Variants in ZC3H14 observed in about 807,000 individuals in gnomAD.
The protein encoded by ZC3H14 is zinc finger CCCH-type containing 14, also known as zinc finger CCCH domain-containing protein 14.
In ZC3H14, 31 loss-of-function variants were observed where a neutral mutation model predicts 92.4. The observed-to-expected ratio is 0.34, with a 90% CI of 0.25 to 0.45. The LOEUF (loss-of-function observed/expected upper bound fraction) is 0.45. Among genes scored for constraint, ZC3H14 ranks in the 20% least tolerant of loss-of-function variants. The pLI, the probability that ZC3H14 is intolerant of heterozygous loss-of-function variation, is 1.00. For missense variants in ZC3H14, 781 were observed against 897.3 expected, an observed-to-expected ratio of 0.87 and a Z score of 1.66; for synonymous variants, 321 against 300.9, an observed-to-expected ratio of 1.07 and a Z score of -0.69.
rs575632171 is a variant in ZC3H14 at position 88,622,391 on chromosome 14, A to G, written c.*10640A>G. The G allele has an allele frequency of 4.3e-4, 173 of 399,448 alleles. No individual in the cohort carries two copies. The East Asian group carries it at 6.3e-3, about 14-fold the overall frequency. 24.7% of individuals were successfully genotyped at this position (399,448 alleles called of 1,614,324 possible). A position where few individuals can be genotyped will look rare whatever the true frequency, so the allele number is the denominator to read the frequency against. ...ATTCTAGAAAATATTGGAGGTTTACATACAGTATTTAGACAGAATAGCTTC... is the reference window on the plus strand; with the variant it reads ...ATTCTAGAAAATATTGGAGGTTTACGTACAGTATTTAGACAGAATAGCTTC... On this transcript the variant is annotated 3_prime_UTR_variant, in exon 17 of 17. Transcript: ENST00000251038.
At position 88,612,774 on chromosome 14, in the gene ZC3H14, A is replaced by ATTAC. The variant is rs1266228384; in HGVS notation, c.*1028_*1031dup. 2.6e-5 allele frequency: 4 copies of ATTAC among 152,602 alleles called. No homozygotes were observed. The South Asian group carries it at 8.3e-4, about 32-fold the overall frequency. 9.5% of individuals were successfully genotyped at this position (152,602 alleles called of 1,614,324 possible). ...TAGGATGAAACTTTTGGCCTACTGT[A>ATTAC]TTACTTACAGAGTTTTTTTGTGTGT... On this transcript the variant is annotated 3_prime_UTR_variant, in exon 17 of 17. Transcript: ENST00000251038.
chr14:88,618,353 GGACAAGAATTCCATTAGGTGAGA>G lies in ZC3H14; in HGVS notation c.*6608_*6630del. 4 of 1,602,022 alleles carry G rather than the reference GGACAAGAATTCCATTAGGTGAGA, an allele frequency of 2.5e-6. No individual in the cohort carries two copies. Among genetic ancestry groups the G allele is most frequent in the Non-Finnish European group, 3.4e-6 (4 of 1,170,586 alleles). Reference sequence around the variant, plus strand: ...AGACCTTTTTCATCAGATTAAAATGGGACAAGAATTCCATTAGGTGAGAGACAAAATCCACAGGGGGTTTACAG... The same window carrying G: ...AGACCTTTTTCATCAGATTAAAATGGGACAAAATCCACAGGGGGTTTACAG... On this transcript the variant is annotated 3_prime_UTR_variant, in exon 17 of 17. Transcript: ENST00000251038.
intron 2 of ZC3H14, among the ~76,000 whole-genome samples, chr14:88,566,772 T>A (rs1279265603): frequency 6.6e-6 from 1 of 151,890 alleles, no homozygotes; most frequent in East Asian, 1.9e-4. Context: ...ATACAAACAT[T>A]AGCTGGGTGT....
intron 1 of ZC3H14, 181 bp from the exon 2 acceptor site, chr14:88,563,470 G>A: frequency 6.8e-7 from 1 of 1,466,630 alleles, no homozygotes; most frequent in South Asian, 1.4e-5. Context: ...GCGCCGCGGG[G>A]CTGGGGCTGG....
intron 9 of ZC3H14, chr14:88,592,089 G>GTT (rs1595699941): frequency 3.9e-5 from 6 of 152,170 alleles, no homozygotes; most frequent in Admixed American, 3.9e-4. Context: ...CTATTCTAAA[G>GTT]TTGGGCTGGA....
intron 12 of ZC3H14, among the ~76,000 whole-genome samples, chr14:88,606,935 G>A (rs1046217040): frequency 4.0e-5 from 6 of 151,846 alleles, no homozygotes; most frequent in South Asian, 2.1e-4. Context: ...CCCACTTGAC[G>A]TCCTTCTCTA....
In ZC3H14 at chr14:88,620,934, TA is replaced by T. The variant is rs35953031; in HGVS notation, c.*9200del. The stretch of plus-strand genomic sequence containing the variant: ...CACTTTGTTTAACATCTTCTGCATT[TA>T]AAAAAAAAAAAAAAAAGAGTCATAG... On this transcript the variant is annotated 3_prime_UTR_variant, in exon 17 of 17. Coordinates refer to ENST00000251038, the MANE Select transcript of ZC3H14 (RefSeq NM_024824.5). The surrounding 1 kb of genome is among the most constrained non-coding windows in gnomAD (Gnocchi z 4.3). 0.15 allele frequency: 189,162 copies of T among 1,287,588 alleles called. 4 individuals are homozygous for T. The highest frequency in any genetic ancestry group is 0.2 in the South Asian group (12,015 of 59,518). The allele number at this position is 1,287,588 out of a possible 1,614,324, so 79.8% of individuals were successfully genotyped here.
chr14:88,592,602 G>C (rs1309071078), intron 9 of ZC3H14, among the ~76,000 whole-genome samples: 1 of 148,342 alleles, frequency 6.7e-6, no homozygotes, highest in Non-Finnish European at 1.5e-5. Context: ...CCAGGTTCAG[G>C]TGATTCTCAT....
At position 88,603,194 on chromosome 14, in the gene ZC3H14, C is replaced by G. The variant is rs150422045; in HGVS notation, c.1747+134C>G. The G allele has an allele frequency of 7.6e-3, 6,514 of 859,430 alleles. 36 individuals are homozygous for G. Among genetic ancestry groups the G allele is most frequent in the Non-Finnish European group, 0.01 (5,437 of 530,192 alleles). 53.2% of individuals were successfully genotyped at this position (859,430 alleles called of 1,614,324 possible). On this transcript the variant is annotated intron_variant, in intron 12 of 16. Transcript: ENST00000251038. ...TCAGTAATGGCCTTTTTTCTTCTTT[C>G]AGACAAACCCACCAAGTACATTTCA...
chr14:88,609,434 G>C, intron 14 of ZC3H14, 31 bp downstream of exon 14: 1 of 1,613,550 alleles, frequency 6.2e-7, no homozygotes, highest in Non-Finnish European at 8.5e-7. Flanking sequence ...CTACATTTGG[G>C]TAAAAAATAT....
At position 88,625,239 on chromosome 14, in the gene ZC3H14, T is replaced by C; in HGVS notation, c.*13488T>C. ...TGTCTCACCCTTGATACAAAGAGCA[T>C]GCATCGTGTAGTGGCAGCAGCACTG... is the stretch of plus-strand genomic sequence containing the variant. On this transcript the variant is annotated 3_prime_UTR_variant, in exon 17 of 17. Transcript: ENST00000251038. 2 of 1,282,526 alleles carry C rather than the reference T, an allele frequency of 1.6e-6. No homozygotes were observed. Among genetic ancestry groups the C allele is most frequent in the African/African-American group, 1.5e-5 (1 of 67,040 alleles). The allele number at this position is 1,282,526 out of a possible 1,614,324, so 79.4% of individuals were successfully genotyped here.
In ZC3H14 at chr14:88,589,706, C is replaced by T. The variant is rs551312593; in HGVS notation, c.1280-7028C>T. ...AATCCTGTTGCCATTCTTTTTTTCT[C>T]TCCTTCTCCTTTCCTTCCTCTTCCC... On this transcript the variant is annotated intron_variant, in intron 9 of 16. Coordinates refer to ENST00000251038, the MANE Select transcript of ZC3H14 (RefSeq NM_024824.5). The T allele has an allele frequency of 3.9e-5, 6 of 152,178 alleles. No homozygotes were observed. In the South Asian group the frequency reaches 1.2e-3, roughly 32 times the overall value. 9.4% of individuals were successfully genotyped at this position (152,178 alleles called of 1,614,324 possible). A position where few individuals can be genotyped will look rare whatever the true frequency, so the allele number is the denominator to read the frequency against.
chr14:88,575,774 A>G (rs1048966943), intron 7 of ZC3H14, 66 bp from the exon 8 acceptor site: 4 of 1,355,292 alleles, frequency 3.0e-6, no homozygotes, highest in Non-Finnish European at 4.2e-6. Context: ...AAGGCATAAT[A>G]GATGGCTGGC....
In ZC3H14 at chr14:88,625,054, A is replaced by G; in HGVS notation, c.*13303A>G. ...CACAGGCCCGTTGTGAGCTCTCGCC[A>G]CGATTCTACACAATATGTGATCTTT... is the stretch of plus-strand genomic sequence containing the variant. On this transcript the variant is annotated 3_prime_UTR_variant, in exon 17 of 17. Coordinates refer to ENST00000251038, the MANE Select transcript of ZC3H14 (RefSeq NM_024824.5). 2 of 1,613,674 alleles carry G rather than the reference A, an allele frequency of 1.2e-6. No homozygotes were observed. Among genetic ancestry groups the G allele is most frequent in the Non-Finnish European group, 1.7e-6 (2 of 1,179,780 alleles).
At position 88,574,577 on chromosome 14, in the gene ZC3H14, C is replaced by A. The variant is rs1332613355; in HGVS notation, c.862-116C>A. The A allele has an allele frequency of 3.9e-6, 5 of 1,293,650 alleles. No individual in the cohort carries two copies. The African/African-American group carries it at 4.4e-5, about 11-fold the overall frequency. The allele number at this position is 1,293,650 out of a possible 1,614,324, so 80.1% of individuals were successfully genotyped here. On this transcript the variant is annotated intron_variant, in intron 6 of 16. Transcript: ENST00000251038. ...TATTTTTACATAAAACCAAGAAATA[C>A]TCTGTGAATTTCTCATATTACTGTG...
rs1246220497 is a variant in ZC3H14 at position 88,616,207 on chromosome 14, A to T, written c.*4456A>T. 3 of 1,613,800 alleles carry T rather than the reference A, an allele frequency of 1.9e-6. No homozygotes were observed. Among genetic ancestry groups the T allele is most frequent in the East Asian group, 4.5e-5 (2 of 44,888 alleles). On this transcript the variant is annotated 3_prime_UTR_variant, in exon 17 of 17. Coordinates refer to ENST00000251038, the MANE Select transcript of ZC3H14 (RefSeq NM_024824.5). Reference sequence around the variant, plus strand: ...CACTGGTAAATCGAATATTTGTCACATGGGGCGAATGACCCAAGAACCTTT... The same window carrying T: ...CACTGGTAAATCGAATATTTGTCACTTGGGGCGAATGACCCAAGAACCTTT...
intron 6 of ZC3H14, 144 bp downstream of exon 6, chr14:88,573,151 C>A: frequency 3.3e-6 from 3 of 896,000 alleles, no homozygotes; most frequent in South Asian, 2.9e-5. Context: ...GAGGCCGAGG[C>A]GGGTGGATCA....
chr14:88,596,764 T>G lies in ZC3H14; in HGVS notation c.1310T>G (p.Leu437Arg). 6.2e-7 allele frequency: 1 copy of G among 1,614,098 alleles called. No individual in the cohort carries two copies. The highest frequency in any genetic ancestry group is 2.2e-5 in the East Asian group (1 of 44,864). Residue 437 changes from leucine to arginine, a missense_variant, in exon 10 of 17, where the codon CTG becomes CGG. Leu to Arg is a moderately radical substitution (Grantham distance 102). This residue lies in a region of ZC3H14 where 454 missense variants were observed against 438.5 expected (regional missense o/e 1.04). Transcript: ENST00000251038. Reference sequence around the variant, plus strand: ...CAACAGAGGCAATTATTATCCCGACTGCAAATCGACCCAGTAATGGCAGAA... The same window carrying G: ...CAACAGAGGCAATTATTATCCCGACGGCAAATCGACCCAGTAATGGCAGAA... ...GTQQRQLLSRLQIDPVMAETL... is the reference protein window; with the variant it reads ...GTQQRQLLSRRQIDPVMAETL...
In ZC3H14 at chr14:88,596,773, A is replaced by G. The variant is rs1595733407; in HGVS notation, c.1319A>G (p.Asp440Gly). Residue 440 changes from aspartate (D) to glycine (G), a missense_variant, in exon 10 of 17, where the codon GAC becomes GGC. Transcript: ENST00000251038. Reference protein sequence around the residue: ...QRQLLSRLQIDPVMAETLQMS... With the variant: ...QRQLLSRLQIGPVMAETLQMS... ...CAATTATTATCCCGACTGCAAATCG[A>G]CCCAGTAATGGCAGAAACTCTGCAG... 6.2e-6 allele frequency: 10 copies of G among 1,614,072 alleles called. No homozygotes were observed. The East Asian group carries it at 2.0e-4, about 32-fold the overall frequency.
Sources: gnomAD v4.1 joint callset for allele counts (sites outside exome capture counted in the v4.1 genomes callset) on GRCh38, gnomAD v4.1.1 for gene constraint, gnomAD v4.1.1 regional missense constraint, Gnocchi (gnomAD v3.1) non-coding constraint, MANE v1.5 for transcripts, NCBI Gene and HGNC (gene_info 2026-07-23, HGNC 2026-07-21) for gene names.